EIF2B5: variants seen among roughly 807,000 people sequenced by gnomAD.
The protein encoded by EIF2B5 is translation initiation factor eIF2B subunit epsilon.
A neutral mutation model predicts 87.3 loss-of-function variants in EIF2B5; 38 were observed. The observed-to-expected ratio is 0.44, with a 90% CI of 0.34 to 0.57. EIF2B5 has a LOEUF of 0.57. Ranked by LOEUF, EIF2B5 falls within the 20% of genes least tolerant of loss-of-function variation. The pLI is 0.02. For synonymous variants in EIF2B5, 313 were observed against 339.6 expected, an observed-to-expected ratio of 0.92 and a Z score of 0.86; for missense variants, 784 against 909.5, an observed-to-expected ratio of 0.86 and a Z score of 1.78.
chr3:184,143,113 C>T lies in EIF2B5; in HGVS notation c.1716C>T (p.Asp572=). ...QRGKEENISC[D]NLVLEINSLK... is the part of the protein sequence containing the mutation. ...GCAAAGAGGAGAACATTTCTTGTGA[C>T]AATCTCGTCCTGGAAATCAACTCTC... is the stretch of plus-strand genomic sequence containing the variant. The change falls in exon 12 of 16, where the codon GAC becomes GAT. Residue 572 remains aspartate, a synonymous_variant. Transcript: ENST00000648915. 6.2e-7 allele frequency: 1 copy of T among 1,613,858 alleles called. No homozygotes were observed.
At chr3:184,136,770 C>A (rs762701294) in intron 2 of EIF2B5, 34 bp downstream of exon 2, 91 of 1,613,818 alleles carry the variant, frequency 5.6e-5, no homozygotes, top group Non-Finnish European at 7.3e-5. Flanking sequence ...CCATGTTTCG[C>A]CATCTTTTTC....
intron 7 of EIF2B5, 36 bp downstream of exon 7, chr3:184,140,766 G>A (rs1713596918): frequency 6.2e-7 from 1 of 1,611,972 alleles, no homozygotes; most frequent in South Asian, 1.1e-5. Context: ...AACTATCCTA[G>A]GAACAGGAAC....
At position 184,142,061 on chromosome 3, in the gene EIF2B5, C is replaced by T. The variant is rs1440749031; in HGVS notation, c.1293C>T (p.Leu431=). The change falls in exon 8 of 16, where the codon CTC becomes CTT. Residue 431 remains leucine, a synonymous_variant. Coordinates refer to ENST00000648915, the MANE Select transcript of EIF2B5 (RefSeq NM_003907.3). The surrounding 1 kb of genome is among the most constrained non-coding windows in gnomAD (Gnocchi z 5.0). ...TGACACTGAAACCACGCTCTGTCCT[C>T]ACTTCCCAGGTGAGACCTGATCTAT... The part of the protein sequence containing the change: ...ERVTLKPRSV[L]TSQVVVGPNI... The T allele has an allele frequency of 1.2e-6, 2 of 1,614,190 alleles. No homozygotes were observed. The highest frequency in any genetic ancestry group is 2.2e-5 in the East Asian group (1 of 44,886).
chr3:184,139,344 G>A (rs1175944932), intron 5 of EIF2B5, among the ~76,000 whole-genome samples: 1 of 136,002 alleles, frequency 7.4e-6, no homozygotes, highest in African/African-American at 2.8e-5. Flanking sequence ...GCAATGGTGC[G>A]ATCTCAGCTC....
rs750301307 is a variant in EIF2B5 at position 184,142,562 on chromosome 3, T to C, written c.1505T>C (p.Met502Thr). 6.2e-7 allele frequency: 1 copy of C among 1,614,108 alleles called. No homozygotes were observed. Among genetic ancestry groups the C allele is most frequent in the South Asian group, 1.1e-5 (1 of 91,066 alleles). ...GKGYLWKAAG[M>T]NMEEEEELQQ... Reference sequence around the variant, plus strand: ...GGCTACCTCTGGAAAGCTGCAGGCATGAACATGGAGGAAGAGGAGGAACTG... The same window carrying C: ...GGCTACCTCTGGAAAGCTGCAGGCACGAACATGGAGGAAGAGGAGGAACTG... Residue 502 changes from methionine (M) to threonine (T), a missense_variant, in exon 10 of 16, where the codon ATG (methionine) becomes ACG (threonine). This residue lies in a region of EIF2B5 where 660 missense variants were observed against 789.5 expected (regional missense o/e 0.84). Transcript: ENST00000648915. The surrounding 1 kb of genome is among the most constrained non-coding windows in gnomAD (Gnocchi z 5.0).
intron 2 of EIF2B5, 172 bp from the exon 3 acceptor site, chr3:184,137,448 G>A: frequency 1.5e-6 from 1 of 677,006 alleles, no homozygotes. Flanking sequence ...GACACAGGAT[G>A]CTGAAAGCAT....
chr3:184,138,002 C>T lies in EIF2B5; in HGVS notation c.611C>T (p.Ala204Val). Residue 204 changes from alanine (A) to valine (V), a missense_variant, in exon 4 of 16, where the codon GCT becomes GTT. This residue lies in a region of EIF2B5 where 660 missense variants were observed against 789.5 expected (regional missense o/e 0.84). Coordinates refer to ENST00000648915, the MANE Select transcript of EIF2B5 (RefSeq NM_003907.3). The part of the protein sequence containing the change: ...TRCHEDNVVV[A>V]VDSTTNRVLH... The stretch of plus-strand genomic sequence containing the variant: ...TGCCACGAAGACAATGTGGTAGTGG[C>T]TGTGGATAGTACCACAAACAGGGTT... 1.1e-5 allele frequency: 17 copies of T among 1,614,210 alleles called. No individual in the cohort carries two copies. Among genetic ancestry groups the T allele is most frequent in the Non-Finnish European group, 1.4e-5 (17 of 1,180,034 alleles).
At chr3:184,143,939 C>A in intron 13 of EIF2B5, 160 bp from the exon 14 acceptor site, 1 of 1,180,918 alleles carries the variant, frequency 8.5e-7, no homozygotes, top group Non-Finnish European at 1.2e-6. Context: ...TCTCTTTTTC[C>A]CAAACCCTGT....
At position 184,144,984 on chromosome 3, in the gene EIF2B5, C is replaced by T. The variant is rs538462860; in HGVS notation, c.*41C>T. Reference sequence around the variant, plus strand: ...TCCTTTGGGTGTGATTGAGTGCCCTCCTGGCTCCTGGGCTGGGACAAGTGA... The same window carrying T: ...TCCTTTGGGTGTGATTGAGTGCCCTTCTGGCTCCTGGGCTGGGACAAGTGA... On this transcript the variant is annotated 3_prime_UTR_variant, in exon 16 of 16. Coordinates refer to ENST00000648915, the MANE Select transcript of EIF2B5 (RefSeq NM_003907.3). The T allele has an allele frequency of 1.6e-5, 25 of 1,594,208 alleles. No homozygotes were observed. The highest frequency in any genetic ancestry group is 1.1e-4 in the African/African-American group (8 of 74,670).
chr3:184,142,816 AAGTG>A lies in EIF2B5; in HGVS notation c.1587_1590del (p.Glu530LysfsTer28). The A allele has an allele frequency of 6.2e-7, 1 of 1,614,156 alleles. No homozygotes were observed. The highest frequency in any genetic ancestry group is 2.2e-5 in the East Asian group (1 of 44,890). ...ACATGGAAGAAGAGAGTGAAAGTGA[AAGTG>A]AGCAAAGTATGGATTCTGAGGAGCC... On this transcript the variant is annotated frameshift_variant, in exon 11 of 16. Transcript: ENST00000648915. LOFTEE classifies it high-confidence loss of function. The surrounding 1 kb of genome is among the most constrained non-coding windows in gnomAD (Gnocchi z 5.0).
At chr3:184,143,258 C>T (rs930801167) in intron 12 of EIF2B5, 116 bp downstream of exon 12, 5 of 1,463,080 alleles carry the variant, frequency 3.4e-6, no homozygotes, top group Non-Finnish European at 4.7e-6. Context: ...AATGGAAAGA[C>T]CAGTAGTATT....
At chr3:184,143,384 G>C in intron 12 of EIF2B5, 58 bp from the exon 13 acceptor site, 1 of 1,613,790 alleles carries the variant, frequency 6.2e-7, no homozygotes, top group Non-Finnish European at 8.5e-7. Context: ...CAAAGTCATA[G>C]TTCTAAGCCT....
chr3:184,138,116 A>T, intron 4 of EIF2B5, 41 bp downstream of exon 4: 1 of 1,614,144 alleles, frequency 6.2e-7, no homozygotes, highest in Non-Finnish European at 8.5e-7. Flanking sequence ...GGGAAGTGAC[A>T]GGCTTCAGTG....
At position 184,135,472 on chromosome 3, in the gene EIF2B5, C is replaced by T; in HGVS notation, c.87C>T (p.Gly29=). The T allele has an allele frequency of 3.2e-6, 5 of 1,579,952 alleles. No individual in the cohort carries two copies. Among genetic ancestry groups the T allele is most frequent in the Non-Finnish European group, 4.3e-6 (5 of 1,163,856 alleles). The part of the protein sequence containing the change: ...RSGAGPGGSG[G]GGARGAEEEP... ...GCGCGGGGCCGGGAGGCAGCGGTGG[C>T]GGGGGAGCCAGAGGGGCGGAGGAGG... Residue 29 remains glycine, a synonymous_variant, in exon 1 of 16, where the codon GGC becomes GGT. Transcript: ENST00000648915.
chr3:184,138,871 G>A (rs776831396), intron 5 of EIF2B5: 29 of 288,384 alleles, frequency 1.0e-4, no homozygotes, highest in South Asian at 5.9e-4. Context: ...CATGTTGTCC[G>A]GCCTGGTCAC....
chr3:184,140,822 G>A (rs1200291360), intron 7 of EIF2B5, 92 bp downstream of exon 7: 1 of 1,434,820 alleles, frequency 7.0e-7, no homozygotes, highest in African/African-American at 1.4e-5. Flanking sequence ...GCTACACAAG[G>A]GACAGTCCCT....
chr3:184,140,191 G>C (rs1438957518), intron 6 of EIF2B5, 34 bp downstream of exon 6: 1 of 1,584,190 alleles, frequency 6.3e-7, no homozygotes, highest in African/African-American at 1.3e-5. Flanking sequence ...CTTTAGGAGA[G>C]AGGAGAAGGC....
At chr3:184,143,602 T>A in intron 13 of EIF2B5, 37 bp downstream of exon 13, 3 of 1,614,094 alleles carry the variant, frequency 1.9e-6, no homozygotes, top group Non-Finnish European at 2.5e-6. Context: ...AGGGATTGGG[T>A]ACAGGCAAAG....
chr3:184,143,799 T>C, intron 13 of EIF2B5: 2 of 687,378 alleles, frequency 2.9e-6, no homozygotes, highest in Non-Finnish European at 4.9e-6. Flanking sequence ...CAAAGGTATA[T>C]TCAGAATGGA....
Sources: allele counts gnomAD v4.1 joint callset (sites outside exome capture counted in the v4.1 genomes callset), GRCh38; gene constraint gnomAD v4.1.1; regional missense constraint gnomAD v4.1.1; non-coding constraint Gnocchi (gnomAD v3.1); transcripts MANE v1.5; gene names NCBI Gene and HGNC (gene_info 2026-07-23, HGNC 2026-07-21).